Variants in F8 observed in about 807,000 individuals in gnomAD.
F8 encodes coagulation factor VIII.
A neutral mutation model predicts 140.6 loss-of-function variants in F8; 12 were observed. The observed-to-expected ratio is 0.09, with a 90% CI of 0.05 to 0.14. The LOEUF is 0.14. Among genes scored for constraint, F8 ranks in the 10% least tolerant of loss-of-function variants. The pLI, the probability that F8 is intolerant of heterozygous loss-of-function variation, is 1.00. For synonymous variants in F8, 585 were observed against 614.6 expected, an observed-to-expected ratio of 0.95 and a Z score of 0.71; for missense variants, 1,354 against 1,720.7, an observed-to-expected ratio of 0.79 and a Z score of 3.77.
rs1557270949 is a variant in F8, at chrX:154,836,643, T to A, written c.*954A>T. ...TTATTAGAATTACAAAGTTTGTATC[T>A]CCTATCTCAGATAACCATGGATTTT... On this transcript the variant is annotated 3_prime_UTR_variant, in exon 26 of 26. Transcript: ENST00000360256. The A allele has an allele frequency of 8.9e-6, 1 of 112,012 alleles. No homozygotes were observed. Among genetic ancestry groups the A allele is most frequent in the African/African-American group, 3.2e-5 (1 of 30,807 alleles). The allele number at this position is 112,012 out of a possible 1,213,427, so 9.2% of individuals were successfully genotyped here.
Position 154,925,284 on chromosome X carries a change from C to T in F8, c.5219+3287G>A, listed in dbSNP as rs187068523. Among the ~76,000 whole-genome samples the T allele has an allele frequency of 6.2e-3, 691 of 111,941 alleles. 1 individual carries two copies. The highest frequency in any genetic ancestry group is 9.6e-3 in the Non-Finnish European group (511 of 53,073). On this transcript the variant is annotated intron_variant, in intron 14 of 25. Coordinates refer to ENST00000360256, the MANE Select transcript of F8 (RefSeq NM_000132.4). The stretch of plus-strand genomic sequence containing the variant: ...TGGATGCCCAGGCAGAAGTTTGCTG[C>T]GGGGGTGGGCCTTCATGTAGAAACT...
chrX:154,875,274 A>T (rs1372696273), intron 22 of F8, among the ~76,000 whole-genome samples: 1 of 111,668 alleles, frequency 9.0e-6, no homozygotes, highest in East Asian at 2.8e-4. Flanking sequence ...TGCAAGATAA[A>T]TTAGTTCTGG....
At chrX:154,840,378 T>G (rs1430754030) in intron 25 of F8, among the ~76,000 whole-genome samples, 1 of 111,775 alleles carries the variant, frequency 8.9e-6, no homozygotes, top group Non-Finnish European at 1.9e-5. Context: ...TGTGTTCTTT[T>G]CACATGATCC....
intron 25 of F8, among the ~76,000 whole-genome samples, chrX:154,839,363 A>AT (rs782394922): frequency 0.065 from 6,207 of 95,314 alleles, 573 homozygotes; most frequent in African/African-American, 0.22. Flanking sequence ...TTCTGCCTCA[A>AT]TTTTTTTTTT....
rs140606458 is a variant in F8, at chrX:155,019,688, G to C, written c.143+2722C>G. Among the ~76,000 whole-genome samples the C allele has an allele frequency of 3.6e-3, 393 of 110,467 alleles. 2 individuals are homozygous for C. Among genetic ancestry groups the C allele is most frequent in the Non-Finnish European group, 5.0e-3 (265 of 52,835 alleles). ...CTGCTCCTGTAGTCCCAGCTACTTG[G>C]GGGGCTGATATACAGGAGAATTGCT... On this transcript the variant is annotated intron_variant, in intron 1 of 25. Transcript: ENST00000360256.
At chrX:155,001,927 T>C (rs1373208076) in intron 1 of F8, among the ~76,000 whole-genome samples, 2 of 111,776 alleles carry the variant, frequency 1.8e-5, no homozygotes, top group Non-Finnish European at 3.8e-5. Flanking sequence ...AGAAAACGTG[T>C]AATATGCTCC....
chrX:154,982,364 G>A (rs1337458506), intron 6 of F8, among the ~76,000 whole-genome samples: 4 of 99,553 alleles, frequency 4.0e-5, no homozygotes, highest in Admixed American at 2.2e-4. Flanking sequence ...GGAGAATGGC[G>A]TGAACCCCGG....
intron 25 of F8, among the ~76,000 whole-genome samples, chrX:154,850,850 G>C (rs781978548): frequency 1.8e-5 from 2 of 112,129 alleles, no homozygotes; most frequent in Non-Finnish European, 3.8e-5. Flanking sequence ...CTGTCAGTTT[G>C]TTACTCATTA....
intron 25 of F8, among the ~76,000 whole-genome samples, chrX:154,839,518 A>G (rs782506389): frequency 9.1e-6 from 1 of 109,713 alleles, no homozygotes; most frequent in Admixed American, 9.7e-5. Flanking sequence ...GCCCGCCACC[A>G]TGCCCGGCTC....
In F8 at chrX:154,930,487, C is replaced by A. The variant is rs147645729; in HGVS notation, c.3303G>T (p.Glu1101Asp). The A allele has an allele frequency of 4.1e-6, 5 of 1,206,979 alleles. No individual in the cohort carries two copies. The highest frequency in any genetic ancestry group is 5.6e-6 in the Non-Finnish European group (5 of 892,412). Residue 1101 changes from glutamate (E) to aspartate (D), a missense_variant, in exon 14 of 26, where the codon GAG becomes GAT. Glu to Asp is a conservative substitution (Grantham distance 45, BLOSUM62 2). This residue lies in a region of F8 where 658 missense variants were observed against 666.5 expected (regional missense o/e 0.99). Transcript: ENST00000360256. The stretch of plus-strand genomic sequence containing the variant: ...TTTGTGCATCTGGTGGAATGGGGCC[C>A]TCTTTTTTCTGTTGGACCATTTCCA... ...KNMEMVQQKK[E>D]GPIPPDAQNP...
At chrX:154,854,622 G>A (rs2072638597) in intron 25 of F8, among the ~76,000 whole-genome samples, 1 of 109,093 alleles carries the variant, frequency 9.2e-6, no homozygotes, top group African/African-American at 3.4e-5. Context: ...GTGTGTGTAT[G>A]TATCTCCTCT....
At chrX:155,014,342 A>G (rs1254935877) in intron 1 of F8, among the ~76,000 whole-genome samples, 3 of 112,224 alleles carry the variant, frequency 2.7e-5, no homozygotes, top group African/African-American at 9.7e-5. Flanking sequence ...TGGTAAAATA[A>G]TGAATATTTT....
At chrX:154,849,815 T>C (rs1232192279) in intron 25 of F8, among the ~76,000 whole-genome samples, 2 of 111,035 alleles carry the variant, frequency 1.8e-5, no homozygotes, top group Non-Finnish European at 3.8e-5. Context: ...ATTTTGGGAG[T>C]CTTACATTGT....
intron 11 of F8, among the ~76,000 whole-genome samples, chrX:154,954,741 G>A (rs184161856): frequency 2.8e-4 from 31 of 111,712 alleles, no homozygotes; most frequent in African/African-American, 1.0e-3. Flanking sequence ...ATACTGAAGA[G>A]AGGAGATTGG....
chrX:154,939,295 G>C (rs1290498253), intron 13 of F8, among the ~76,000 whole-genome samples: 2 of 112,089 alleles, frequency 1.8e-5, no homozygotes, highest in African/African-American at 6.5e-5. Context: ...ATGGCACCTG[G>C]AAAATCGGGT....
At chrX:155,010,587 T>A (rs1050392964) in intron 1 of F8, among the ~76,000 whole-genome samples, 16 of 111,464 alleles carry the variant, frequency 1.4e-4, no homozygotes, top group Non-Finnish European at 2.8e-4. Flanking sequence ...TGACTGCCTA[T>A]ACAATAACAG....
intron 22 of F8, among the ~76,000 whole-genome samples, chrX:154,876,159 G>A (rs1449943630): frequency 1.3e-4 from 12 of 92,889 alleles, no homozygotes; most frequent in Non-Finnish European, 4.1e-5. Flanking sequence ...TCGCTCTGTC[G>A]CCCAGGCTGG....
At chrX:154,984,198 T>C (rs1006106139) in intron 6 of F8, among the ~76,000 whole-genome samples, 3 of 111,492 alleles carry the variant, frequency 2.7e-5, no homozygotes, top group Non-Finnish European at 5.7e-5. Context: ...TTTGGTTTTC[T>C]GTGAGAGGGA....
chrX:154,845,972 C>T (rs1326250154), intron 25 of F8, among the ~76,000 whole-genome samples: 1 of 112,146 alleles, frequency 8.9e-6, no homozygotes, highest in Non-Finnish European at 1.9e-5. Flanking sequence ...AAATGTGTCC[C>T]AGAGATTCTG....
Sources: gnomAD v4.1 joint callset for allele counts (sites outside exome capture counted in the v4.1 genomes callset) on GRCh38, gnomAD v4.1.1 for gene constraint, gnomAD v4.1.1 regional missense constraint, MANE v1.5 for transcripts, NCBI Gene and HGNC (gene_info 2026-07-23, HGNC 2026-07-21) for gene names.